Variants in ATF6 observed in about 807,000 individuals in gnomAD.
The protein encoded by ATF6 is activating transcription factor 6.
Under a neutral mutation model 83.6 loss-of-function variants are expected in ATF6, and 53 were observed. The observed-to-expected ratio is 0.63, with a 90% CI of 0.51 to 0.80. ATF6 has a LOEUF of 0.80. Among genes scored for constraint, ATF6 ranks in the 30% least tolerant of loss-of-function variants. ATF6 has a pLI of 0.00. For synonymous variants in ATF6, 288 were observed against 285.8 expected (o/e 1.01, Z -0.08); for missense variants, 744 against 797.9 (o/e 0.93, Z 0.81).
rs754588065 is a variant in ATF6 at position 161,851,755 on chromosome 1, G to T, written c.1353G>T (p.Leu451=). The change falls in exon 11 of 16, where the codon CTG becomes CTT. Residue 451 remains leucine (L), a synonymous_variant. Transcript: ENST00000367942. ...YDHSVSNDKA[L]MVLTEEPLLY... The stretch of plus-strand genomic sequence containing the variant: ...ATTCTGTTTCAAATGACAAAGCCCT[G>T]ATGGTGCTAACTGAAGAACCATTGC... 6.2e-7 allele frequency: 1 copy of T among 1,613,760 alleles called. No homozygotes were observed. Among genetic ancestry groups the T allele is most frequent in the Admixed American group, 1.7e-5 (1 of 60,006 alleles).
chr1:161,929,622 A>G (rs1338834769), intron 15 of ATF6, among the ~76,000 whole-genome samples: 1 of 152,232 alleles, frequency 6.6e-6, no homozygotes, highest in African/African-American at 2.4e-5. Context: ...GCAGTCAGGC[A>G]CTAAGTGGCC....
intron 2 of ATF6, among the ~76,000 whole-genome samples, chr1:161,780,412 C>T (rs1249467899): frequency 4.0e-5 from 6 of 150,514 alleles, no homozygotes; most frequent in Non-Finnish European, 5.9e-5. Flanking sequence ...CTTGCTCTGT[C>T]GCCCAGGCTG....
At position 161,826,680 on chromosome 1, in the gene ATF6, G is replaced by A. The variant is rs182158666; in HGVS notation, c.1187+5519G>A. ...AAGGAGAAAAGCTGGAAGGAATGAG[G>A]AAGTGTAGGAAAGTATCTTAACAAG... On this transcript the variant is annotated intron_variant, in intron 9 of 15. Coordinates refer to ENST00000367942, the MANE Select transcript of ATF6 (RefSeq NM_007348.4). Among the ~76,000 whole-genome samples the A allele has an allele frequency of 8.5e-5, 13 of 152,236 alleles. No homozygotes were observed. In the East Asian group the frequency reaches 2.3e-3, roughly 27 times the overall value.
chr1:161,951,953 A>G (rs1688872112), intron 15 of ATF6, among the ~76,000 whole-genome samples: 1 of 152,168 alleles, frequency 6.6e-6, no homozygotes, highest in African/African-American at 2.4e-5. Flanking sequence ...AGTCTGTAAT[A>G]GTACCTGGCC....
In ATF6 at chr1:161,791,507, A is replaced by G. The variant is rs748038385; in HGVS notation, c.454A>G (p.Lys152Glu). ...LSSAEPLKED[K>E]PVTGPRNKTE... ...TTCAGCGGAGCCACTGAAGGAAGAT[A>G]AGCCTGTCACTGGTCCTAGGAACAA... Residue 152 changes from lysine to glutamate, a missense_variant, in exon 5 of 16, where the codon AAG becomes GAG. Lys to Glu is a moderately conservative substitution (Grantham distance 56, BLOSUM62 1). Coordinates refer to ENST00000367942, the MANE Select transcript of ATF6 (RefSeq NM_007348.4). 6.2e-7 allele frequency: 1 copy of G among 1,612,366 alleles called. No homozygotes were observed. The highest frequency in any genetic ancestry group is 1.1e-5 in the South Asian group (1 of 91,016).
intron 7 of ATF6, among the ~76,000 whole-genome samples, chr1:161,811,350 C>G (rs948396741): frequency 6.6e-6 from 1 of 152,072 alleles, no homozygotes; most frequent in Non-Finnish European, 1.5e-5. Flanking sequence ...GAATGATATT[C>G]AAGAATTTAA....
intron 6 of ATF6, among the ~76,000 whole-genome samples, chr1:161,796,708 G>T (rs1013087502): frequency 1.3e-5 from 2 of 152,150 alleles, no homozygotes; most frequent in African/African-American, 4.8e-5. Context: ...CAACCTTGAT[G>T]GTTTTGGGTG....
intron 6 of ATF6, among the ~76,000 whole-genome samples, chr1:161,797,596 TG>T (rs1685051236): frequency 6.6e-6 from 1 of 152,062 alleles, no homozygotes. Flanking sequence ...ATAAAGTACC[TG>T]GGAATACAGC....
intron 9 of ATF6, among the ~76,000 whole-genome samples, chr1:161,839,349 G>A (rs1296947520): frequency 6.6e-6 from 1 of 152,034 alleles, no homozygotes; most frequent in Non-Finnish European, 1.5e-5. Context: ...TGTTGGGACT[G>A]TAGTTTTATT....
intron 4 of ATF6, among the ~76,000 whole-genome samples, chr1:161,788,402 C>T (rs1269718282): frequency 6.6e-6 from 1 of 151,920 alleles, no homozygotes; most frequent in Admixed American, 6.6e-5. Context: ...TTTTTCTACT[C>T]AGTTGTTGTC....
At chr1:161,911,175 T>C (rs1387848821) in intron 14 of ATF6, among the ~76,000 whole-genome samples, 1 of 152,220 alleles carries the variant, frequency 6.6e-6, no homozygotes, top group East Asian at 1.9e-4. Context: ...GAATGAATGG[T>C]GAAACAATGA....
At chr1:161,876,515 A>AT (rs925611408) in intron 14 of ATF6, among the ~76,000 whole-genome samples, 5 of 151,428 alleles carry the variant, frequency 3.3e-5, no homozygotes, top group African/African-American at 7.3e-5. Context: ...CTGTAATAGA[A>AT]TTTTTTTTTA....
intron 1 of ATF6, among the ~76,000 whole-genome samples, chr1:161,769,169 A>G (rs933328588): frequency 5.9e-5 from 9 of 152,230 alleles, no homozygotes; most frequent in South Asian, 2.1e-4. Context: ...GAGACAGCAT[A>G]AACAAGTGAG....
chr1:161,833,144 G>T (rs1272122524), intron 9 of ATF6, among the ~76,000 whole-genome samples: 1 of 152,246 alleles, frequency 6.6e-6, no homozygotes, highest in Non-Finnish European at 1.5e-5. Flanking sequence ...CAGGCAAACA[G>T]GGTCTGGAGT....
chr1:161,781,124 A>C (rs1000432322), intron 2 of ATF6, among the ~76,000 whole-genome samples: 1 of 152,184 alleles, frequency 6.6e-6, no homozygotes, highest in Non-Finnish European at 1.5e-5. Flanking sequence ...GACTTACATG[A>C]GGACTCTGAA....
In ATF6 at chr1:161,959,657, G is replaced by C. The variant is rs987690322; in HGVS notation, c.*1003G>C. ...TGCACTCCAGCCTGGGCGACAGAGCGAGACTCCGTCTCAAAAAAAAAAAAA... is the reference window on the plus strand; with the variant it reads ...TGCACTCCAGCCTGGGCGACAGAGCCAGACTCCGTCTCAAAAAAAAAAAAA... On this transcript the variant is annotated 3_prime_UTR_variant, in exon 16 of 16. Transcript: ENST00000367942. 3.4e-5 allele frequency: 4 copies of C among 118,980 alleles called. No homozygotes were observed. The highest frequency in any genetic ancestry group is 4.7e-4 in the East Asian group (2 of 4,260). 7.4% of individuals were successfully genotyped at this position (118,980 alleles called of 1,614,324 possible). A position where few individuals can be genotyped will look rare whatever the true frequency, so the allele number is the denominator to read the frequency against.
At chr1:161,793,992 C>T (rs528510836) in intron 6 of ATF6, among the ~76,000 whole-genome samples, 25 of 152,242 alleles carry the variant, frequency 1.6e-4, no homozygotes, top group Admixed American at 1.6e-3. Context: ...CTGCAACTTC[C>T]ACCTCCTGGG....
At chr1:161,861,200 A>G (rs888979298) in intron 13 of ATF6, among the ~76,000 whole-genome samples, 7 of 152,216 alleles carry the variant, frequency 4.6e-5, no homozygotes, top group South Asian at 2.1e-4. Flanking sequence ...CTCAGCTTCT[A>G]TCTGTAGCTC....
chr1:161,934,273 A>G lies in ATF6; in HGVS notation c.1804+21893A>G, dbSNP rs541903467. Among the ~76,000 whole-genome samples, 4 of 152,306 alleles carry G rather than the reference A, an allele frequency of 2.6e-5. No individual in the cohort carries two copies. The South Asian group carries it at 8.3e-4, about 32-fold the overall frequency. On this transcript the variant is annotated intron_variant, in intron 15 of 15. Coordinates refer to ENST00000367942, the MANE Select transcript of ATF6 (RefSeq NM_007348.4). The stretch of plus-strand genomic sequence containing the variant: ...TCCTCCATCCTCCTCTAACAGAGCC[A>G]TTTCAGAACCAAAACTTTTTAAAGA...
Sources: gnomAD v4.1 joint callset for allele counts (sites outside exome capture counted in the v4.1 genomes callset) on GRCh38, gnomAD v4.1.1 for gene constraint, MANE v1.5 for transcripts, NCBI Gene and HGNC (gene_info 2026-07-23, HGNC 2026-07-21) for gene names.